EIF3E: variants seen among roughly 807,000 people sequenced by gnomAD.
The protein encoded by EIF3E is eukaryotic translation initiation factor 3 subunit E, also known as eIF-3 p48.
Under a neutral mutation model 59.3 loss-of-function variants are expected in EIF3E, and 25 were observed. The ratio of observed to expected loss-of-function variants is 0.42; its 90% CI spans 0.31 to 0.59. EIF3E has a LOEUF of 0.59. EIF3E is among the 20% of genes least tolerant of loss of function. The probability of loss-of-function intolerance (pLI) is 0.15; values close to 1 mark genes in which losing one functional copy is unlikely to be tolerated. For synonymous variants in EIF3E, 176 were observed against 170.2 expected, an observed-to-expected ratio of 1.03 and a Z score of -0.26; for missense variants, 317 against 534.3, an observed-to-expected ratio of 0.59 and a Z score of 4.01.
At chr8:108,214,757 G>A (rs1586194991) in intron 9 of EIF3E, 41 bp from the exon 10 acceptor site, 1 of 1,523,714 alleles carries the variant, frequency 6.6e-7, no homozygotes, top group Non-Finnish European at 8.9e-7. Flanking sequence ...ATGCTGACAA[G>A]CAATTGCCTG....
chr8:108,232,572 C>CT (rs1815644255), intron 5 of EIF3E, among the ~76,000 whole-genome samples: 1 of 152,096 alleles, frequency 6.6e-6, no homozygotes, highest in Non-Finnish European at 1.5e-5. Flanking sequence ...AAACCTGTCA[C>CT]TTGTAGAAAT....
At chr8:108,202,633 A>G (rs1427903022) in intron 12 of EIF3E, among the ~76,000 whole-genome samples, 1 of 152,100 alleles carries the variant, frequency 6.6e-6, no homozygotes, top group African/African-American at 2.4e-5. Context: ...GAAAGAATAC[A>G]CATTTCGAAC....
intron 3 of EIF3E, among the ~76,000 whole-genome samples, chr8:108,236,450 C>T (rs2129913258): frequency 6.6e-6 from 1 of 152,262 alleles, no homozygotes; most frequent in South Asian, 2.1e-4. Context: ...GTGTGTTTCA[C>T]CACAACTAAG....
chr8:108,247,881 T>C (rs1464940598), intron 1 of EIF3E, among the ~76,000 whole-genome samples: 1 of 152,230 alleles, frequency 6.6e-6, no homozygotes, highest in Non-Finnish European at 1.5e-5. Flanking sequence ...GACTGACATA[T>C]GCTTTAAAAT....
rs1208187196 is a variant in EIF3E at position 108,201,940 on chromosome 8, G to T, written c.1300-17C>A. The stretch of plus-strand genomic sequence containing the variant: ...GTTAGGAGCCTAAAATATGCAAAAA[G>T]AAATCAACACCGTGAAAAGAAAATA... On this transcript the variant is annotated splice_polypyrimidine_tract_variant and intron_variant, in intron 12 of 12. Transcript: ENST00000220849. The T allele has an allele frequency of 6.4e-7, 1 of 1,557,676 alleles. No individual in the cohort carries two copies. The highest frequency in any genetic ancestry group is 8.7e-7 in the Non-Finnish European group (1 of 1,151,436).
At chr8:108,241,218 C>T (rs973988063) in intron 2 of EIF3E, among the ~76,000 whole-genome samples, 1 of 152,122 alleles carries the variant, frequency 6.6e-6, no homozygotes, top group Non-Finnish European at 1.5e-5. Context: ...TATTTCTCTA[C>T]TGCCAAAATT....
chr8:108,228,530 C>G, intron 6 of EIF3E, 139 bp from the exon 7 acceptor site: 1 of 557,420 alleles, frequency 1.8e-6, no homozygotes, highest in Non-Finnish European at 2.8e-6. Context: ...TGATCAATGT[C>G]CGACCCCCTA....
Position 108,203,083 on chromosome 8 carries a change from G to A in EIF3E, c.1199C>T (p.Pro400Leu), listed in dbSNP as rs757488671. 26 of 1,612,714 alleles carry A rather than the reference G, an allele frequency of 1.6e-5. No individual in the cohort carries two copies. The South Asian group carries it at 2.7e-4, about 17-fold the overall frequency. Residue 400 changes from proline to leucine, a missense_variant, in exon 12 of 13, where the codon CCC becomes CTC. By Grantham distance (98) the Pro-to-Leu change is moderately conservative. This residue lies in a region of EIF3E where 45 missense variants were observed against 97.8 expected (regional missense o/e 0.46). Transcript: ENST00000220849. ...GGTCTTTTCAATCACTTGCTGATAG[G>A]GTGAGACTGCATTGTTACCCATAAC... is the stretch of plus-strand genomic sequence containing the variant. ...HVVMGNNAVS[P>L]YQQVIEKTKS...
At chr8:108,217,012 T>TATGTAGA (rs1815317545) in intron 8 of EIF3E, among the ~76,000 whole-genome samples, 1 of 152,164 alleles carries the variant, frequency 6.6e-6, no homozygotes, top group Non-Finnish European at 1.5e-5. Flanking sequence ...CATGTAGAAT[T>TATGTAGA]ACACAGGTAA....
chr8:108,247,468 C>T (rs977815083), intron 1 of EIF3E, among the ~76,000 whole-genome samples: 1 of 152,142 alleles, frequency 6.6e-6, no homozygotes, highest in Admixed American at 6.6e-5. Flanking sequence ...TTTTACATGA[C>T]AAGACATTCT....
rs1815571473 is a variant in EIF3E, at chr8:108,228,951, A to T, written c.597+119T>A. On this transcript the variant is annotated intron_variant, in intron 6 of 12. Coordinates refer to ENST00000220849, the MANE Select transcript of EIF3E (RefSeq NM_001568.3). ...ATCCACTATGATTTTTGTAAGGTCA[A>T]CAAAAGCTAATATGAATTTTTTTTT... The T allele has an allele frequency of 2.6e-6, 3 of 1,152,784 alleles. No homozygotes were observed. The Admixed American group carries it at 8.6e-5, about 33-fold the overall frequency. The allele number at this position is 1,152,784 out of a possible 1,614,324, so 71.4% of individuals were successfully genotyped here.
chr8:108,235,238 T>C, intron 4 of EIF3E, 136 bp from the exon 5 acceptor site: 1 of 489,800 alleles, frequency 2.0e-6, no homozygotes, highest in East Asian at 3.5e-5. Flanking sequence ...GAGTCAAATG[T>C]ATCTCTGATT....
chr8:108,229,418 A>G (rs536855023), intron 5 of EIF3E: 4 of 341,654 alleles, frequency 1.2e-5, no homozygotes, highest in Admixed American at 9.4e-5. Context: ...GAAAATAAAA[A>G]ATAACTTTTA....
At chr8:108,220,634 A>G (rs1815393272) in intron 7 of EIF3E, among the ~76,000 whole-genome samples, 1 of 152,242 alleles carries the variant, frequency 6.6e-6, no homozygotes, top group Non-Finnish European at 1.5e-5. Context: ...CTGCTGCAAA[A>G]GTTAACTTCC....
intron 1 of EIF3E, among the ~76,000 whole-genome samples, chr8:108,244,949 C>G (rs1484109617): frequency 1.3e-5 from 2 of 151,892 alleles, no homozygotes; most frequent in Non-Finnish European, 2.9e-5. Flanking sequence ...GTCTATACTA[C>G]TCCCATAGCC....
At chr8:108,214,543 C>T in intron 10 of EIF3E, 64 bp downstream of exon 10, 2 of 1,267,910 alleles carry the variant, frequency 1.6e-6, no homozygotes, top group African/African-American at 3.1e-5. Flanking sequence ...TGTAAATTCA[C>T]AATAAATGGA....
intron 7 of EIF3E, among the ~76,000 whole-genome samples, chr8:108,219,174 T>G (rs1815359894): frequency 6.6e-6 from 1 of 152,234 alleles, no homozygotes; most frequent in Non-Finnish European, 1.5e-5. Flanking sequence ...AAGTTTGTTG[T>G]ATAGTGTGTT....
At chr8:108,234,960 CAA>C (rs3075616) in intron 5 of EIF3E, 36 bp downstream of exon 5, 157,861 of 859,094 alleles carry the variant, frequency 0.18, 2,517 homozygotes, top group African/African-American at 0.24. Flanking sequence ...CTACAAAAGA[CAA>C]AAAAAAAAAA....
intron 1 of EIF3E, among the ~76,000 whole-genome samples, chr8:108,243,638 GAAAAAAA>G (rs779684560): frequency 4.2e-5 from 3 of 70,984 alleles, no homozygotes; most frequent in South Asian, 5.2e-4. Context: ...CAAAAAAAAA[GAAAAAAA>G]AAAAAAAAAA....
Sources: allele counts gnomAD v4.1 joint callset (sites outside exome capture counted in the v4.1 genomes callset), GRCh38; gene constraint gnomAD v4.1.1; regional missense constraint gnomAD v4.1.1; transcripts MANE v1.5; gene names NCBI Gene and HGNC (gene_info 2026-07-23, HGNC 2026-07-21).